PRKX: variants seen among roughly 807,000 people sequenced by gnomAD.
The protein encoded by PRKX is cAMP-dependent protein kinase catalytic subunit PRKX.
In PRKX, 12 loss-of-function variants were observed where a neutral mutation model predicts 22.0. That is an observed-to-expected ratio of 0.54 (90% CI 0.35 to 0.88). The LOEUF is 0.88. PRKX is among the 40% of genes least tolerant of loss of function. The probability of loss-of-function intolerance (pLI) is 0.01; values close to 1 mark genes in which losing one functional copy is unlikely to be tolerated. For missense variants in PRKX, 217 were observed against 308.0 expected, an observed-to-expected ratio of 0.70 and a Z score of 2.21; for synonymous variants, 134 against 137.7, an observed-to-expected ratio of 0.97 and a Z score of 0.19.
At chrX:3,663,468 A>ACACACACACACACACACACAC (rs552837211) in intron 2 of PRKX, among the ~76,000 whole-genome samples, 1 of 53,663 alleles carries the variant, frequency 1.9e-5, no homozygotes, top group African/African-American at 7.7e-5. Flanking sequence ...ACACACACAC[A>ACACACACACACACACACACAC]AAAAAATTCA....
chrX:3,630,147 A>T (rs751922420), intron 4 of PRKX, among the ~76,000 whole-genome samples: 41 of 112,571 alleles, frequency 3.6e-4, no homozygotes, highest in East Asian at 2.8e-4. Context: ...AAACTAAAAA[A>T]ATATATATAC....
chrX:3,638,785 G>A (rs1406897526), intron 4 of PRKX, among the ~76,000 whole-genome samples: 1 of 109,358 alleles, frequency 9.1e-6, no homozygotes, highest in Non-Finnish European at 1.9e-5. Flanking sequence ...AGATGAATAG[G>A]TAGATAGATG....
chrX:3,617,151 C>G (rs1280906968), intron 6 of PRKX, among the ~76,000 whole-genome samples: 1 of 54,348 alleles, frequency 1.8e-5, no homozygotes, highest in African/African-American at 1.1e-4. Flanking sequence ...TATACACATA[C>G]TTATATACAT....
chrX:3,621,987 AAAAG>A (rs1351159273), intron 5 of PRKX, among the ~76,000 whole-genome samples: 11 of 110,233 alleles, frequency 1.0e-4, no homozygotes, highest in Admixed American at 2.9e-4. Flanking sequence ...AAAAAAAAGA[AAAAG>A]AAATTCGCTG....
chrX:3,617,166 G>A (rs774742674), intron 6 of PRKX, among the ~76,000 whole-genome samples: 1 of 91,487 alleles, frequency 1.1e-5, no homozygotes, highest in East Asian at 3.3e-4. Flanking sequence ...ATACATACAC[G>A]TTAATATATA....
intron 1 of PRKX, 115 bp from the exon 2 acceptor site, chrX:3,674,881 G>A: frequency 1.2e-6 from 1 of 843,032 alleles, no homozygotes; most frequent in Non-Finnish European, 1.7e-6. Flanking sequence ...GACCCCAAGT[G>A]AAACTTTCAG....
intron 2 of PRKX, among the ~76,000 whole-genome samples, chrX:3,664,875 C>T (rs890405364): frequency 2.7e-5 from 3 of 111,965 alleles, no homozygotes; most frequent in Admixed American, 9.5e-5. Context: ...GTTCACTATT[C>T]GGGTAAGGGG....
At chrX:3,701,315 A>T (rs1928566300) in intron 1 of PRKX, among the ~76,000 whole-genome samples, 1 of 111,662 alleles carries the variant, frequency 9.0e-6, no homozygotes, top group Non-Finnish European at 1.9e-5. Flanking sequence ...TATGTTGTCC[A>T]GGCTAGTCTA....
chrX:3,639,348 GGGGT>G (rs1306698207), intron 4 of PRKX, among the ~76,000 whole-genome samples: 1 of 19,706 alleles, frequency 5.1e-5, no homozygotes, highest in African/African-American at 3.2e-4. Context: ...TGAAGGGGTG[GGGGT>G]GGATGGATGA....
intron 4 of PRKX, among the ~76,000 whole-genome samples, chrX:3,633,650 C>T (rs758309765): frequency 1.8e-5 from 2 of 111,467 alleles, no homozygotes; most frequent in Non-Finnish European, 3.8e-5. Flanking sequence ...GTAACCATTC[C>T]GCCTATTTAC....
intron 1 of PRKX, among the ~76,000 whole-genome samples, chrX:3,679,960 C>T (rs1053350077): frequency 9.0e-6 from 1 of 111,330 alleles, no homozygotes; most frequent in African/African-American, 3.3e-5. Flanking sequence ...AACATTAATG[C>T]GGGGTGGACT....
intron 1 of PRKX, among the ~76,000 whole-genome samples, chrX:3,684,741 C>T (rs929013713): frequency 9.0e-6 from 1 of 111,441 alleles, no homozygotes; most frequent in Non-Finnish European, 1.9e-5. Flanking sequence ...CTTGTCGATG[C>T]CATCTTCTCC....
At chrX:3,625,314 C>T (rs1926638570) in intron 5 of PRKX, among the ~76,000 whole-genome samples, 1 of 111,271 alleles carries the variant, frequency 9.0e-6, no homozygotes, top group African/African-American at 3.3e-5. Flanking sequence ...CCATAAGGGG[C>T]ATATTCAAAA....
intron 4 of PRKX, among the ~76,000 whole-genome samples, chrX:3,639,167 G>A (rs1926973220): frequency 4.0e-5 from 1 of 24,834 alleles, no homozygotes; most frequent in South Asian, 2.9e-3. Context: ...ATGGATGGAT[G>A]AAGGGGTGGG....
intron 1 of PRKX, among the ~76,000 whole-genome samples, chrX:3,694,702 T>G (rs1928410606): frequency 8.9e-6 from 1 of 112,484 alleles, no homozygotes; most frequent in Admixed American, 9.4e-5. Context: ...CAAACGTGAT[T>G]AAGCTAGGGA....
chrX:3,676,610 A>G (rs1927960923), intron 1 of PRKX, among the ~76,000 whole-genome samples: 1 of 112,440 alleles, frequency 8.9e-6, no homozygotes, highest in South Asian at 3.7e-4. Flanking sequence ...ACTGGAGGCC[A>G]TTATGTTCAG....
chrX:3,639,701 TCTC>T (rs1000494636), intron 4 of PRKX, among the ~76,000 whole-genome samples: 5 of 110,863 alleles, frequency 4.5e-5, no homozygotes, highest in African/African-American at 1.3e-4. Flanking sequence ...CGGGTTCCAC[TCTC>T]CTCCTGCGGC....
At chrX:3,638,752 CATAG>C (rs1926951560) in intron 4 of PRKX, among the ~76,000 whole-genome samples, 1 of 109,786 alleles carries the variant, frequency 9.1e-6, no homozygotes, top group African/African-American at 3.3e-5. Context: ...TTGATAAATA[CATAG>C]ATATATAGAA....
intron 1 of PRKX, among the ~76,000 whole-genome samples, chrX:3,711,149 A>G (rs1357005702): frequency 9.0e-6 from 1 of 111,120 alleles, no homozygotes; most frequent in Non-Finnish European, 1.9e-5. Flanking sequence ...AGTGTTCCAG[A>G]CGTGCATGCA....
Sources: allele counts gnomAD v4.1 joint callset (sites outside exome capture counted in the v4.1 genomes callset), GRCh38; gene constraint gnomAD v4.1.1; transcripts MANE v1.5; gene names NCBI Gene and HGNC (gene_info 2026-07-23, HGNC 2026-07-21).